Variants in MRPL37 observed in about 807,000 individuals in gnomAD.
MRPL37 encodes large ribosomal subunit protein mL37.
Under a neutral mutation model 44.1 loss-of-function variants are expected in MRPL37, and 34 were observed. The ratio of observed to expected loss-of-function variants is 0.77; its 90% CI spans 0.59 to 1.03. MRPL37 has a LOEUF of 1.03. MRPL37 is among the 50% of genes least tolerant of loss of function. The pLI is 0.00. For missense variants in MRPL37, 532 were observed against 543.7 expected (o/e 0.98, Z 0.21); for synonymous variants, 212 against 219.5 (o/e 0.97, Z 0.30).
intron 3 of MRPL37, among the ~76,000 whole-genome samples, chr1:54,206,864 A>T (rs974512653): frequency 6.6e-6 from 1 of 150,754 alleles, no homozygotes; most frequent in African/African-American, 2.4e-5. Context: ...CCTCTCAAGT[A>T]GCTGGGATTA....
downstream of MRPL37, chr1:54,220,811 C>T (rs1246848407): frequency 8.5e-6 from 4 of 470,814 alleles, no homozygotes; most frequent in African/African-American, 2.0e-5. Flanking sequence ...TGCTGGATAG[C>T]GAAACCCCAC....
chr1:54,200,563 T>A lies in MRPL37; in HGVS notation c.320T>A (p.Phe107Tyr). The A allele has an allele frequency of 1.2e-6, 2 of 1,601,338 alleles. No individual in the cohort carries two copies. Among genetic ancestry groups the A allele is most frequent in the South Asian group, 1.1e-5 (1 of 90,694 alleles). The change falls in exon 1 of 7, where the codon TTT becomes TAT. Residue 107 changes from phenylalanine (F) to tyrosine (Y), a missense_variant. Phe to Tyr is a conservative substitution (Grantham distance 22). Coordinates refer to ENST00000360840, the MANE Select transcript of MRPL37 (RefSeq NM_016491.4). ...TACAAAGACCAGGCCTGCTATATCT[T>A]TCACCACCGTTGCCGCCTTCTCGAG... ...PLYKDQACYI[F>Y]HHRCRLLEGV... is the part of the protein sequence containing the mutation.
chr1:54,218,477 C>T (rs1644212681), downstream of MRPL37: 6 of 1,073,666 alleles, frequency 5.6e-6, no homozygotes, highest in Non-Finnish European at 7.7e-6. Flanking sequence ...CCAGCTCTGC[C>T]CTTGACCCAT....
chr1:54,210,722 C>G (rs1318166590), intron 4 of MRPL37, among the ~76,000 whole-genome samples: 1 of 152,210 alleles, frequency 6.6e-6, no homozygotes, highest in Non-Finnish European at 1.5e-5. Flanking sequence ...TAAACCCCTT[C>G]ATTGTCATAG....
downstream of MRPL37, among the ~76,000 whole-genome samples, chr1:54,221,634 A>C (rs4926624): frequency 0.15 from 23,118 of 152,168 alleles, 1,866 homozygotes; most frequent in Non-Finnish European, 0.19. Flanking sequence ...GCACACATGC[A>C]TACAGGCACA....
chr1:54,221,928 T>G (rs1400270168), downstream of MRPL37, among the ~76,000 whole-genome samples: 2 of 152,180 alleles, frequency 1.3e-5, no homozygotes, highest in Non-Finnish European at 2.9e-5. Flanking sequence ...TGGGAGCTCC[T>G]GGGGTACTGG....
chr1:54,211,500 T>TC (rs397724478), intron 4 of MRPL37, among the ~76,000 whole-genome samples: 1 of 151,438 alleles, frequency 6.6e-6, no homozygotes, highest in Non-Finnish European at 1.5e-5. Context: ...CTTTTTTTTT[T>TC]CTTTCCCTGA....
In MRPL37 at chr1:54,200,426, G is replaced by T; in HGVS notation, c.183G>T (p.Ala61=). Residue 61 remains alanine, a synonymous_variant, in exon 1 of 7, where the codon GCG becomes GCT. Transcript: ENST00000360840. The part of the protein sequence containing the change: ...EIPGLEPITF[A]GKMHFVPWLA... ...CTGGACTGGAGCCCATCACCTTTGC[G>T]GGGAAGATGCACTTCGTGCCCTGGC... 1 of 1,614,224 alleles carries T rather than the reference G, an allele frequency of 6.2e-7. No homozygotes were observed. The highest frequency in any genetic ancestry group is 1.7e-5 in the Admixed American group (1 of 60,034).
At chr1:54,220,072 T>A (rs1020430896), downstream of MRPL37, among the ~76,000 whole-genome samples, 3 of 152,062 alleles carry the variant, frequency 2.0e-5, no homozygotes, top group Non-Finnish European at 2.9e-5. Context: ...TTTTTTTTTT[T>A]AAACAACACT....
At chr1:54,201,394 C>G (rs1485130974) in intron 1 of MRPL37, among the ~76,000 whole-genome samples, 1 of 152,174 alleles carries the variant, frequency 6.6e-6, no homozygotes, top group Non-Finnish European at 1.5e-5. Context: ...TTCCTGAAAG[C>G]TGATTTTCAA....
intron 1 of MRPL37, among the ~76,000 whole-genome samples, chr1:54,203,467 CTTTTT>C (rs780467512): frequency 9.1e-5 from 9 of 98,882 alleles, no homozygotes; most frequent in East Asian, 2.9e-4. Flanking sequence ...ACTTCATTTA[CTTTTT>C]TTTTTTTTTT....
chr1:54,207,719 G>C (rs967579091), intron 3 of MRPL37, among the ~76,000 whole-genome samples: 1 of 152,176 alleles, frequency 6.6e-6, no homozygotes, highest in African/African-American at 2.4e-5. Context: ...TTTTCTTGCA[G>C]ATTATATGTG....
chr1:54,220,853 A>G (rs1159384551), downstream of MRPL37: 1 of 465,998 alleles, frequency 2.1e-6, no homozygotes, highest in South Asian at 1.6e-5. Flanking sequence ...ACTTTTGGAA[A>G]TGAAATGGTG....
At chr1:54,208,387 A>G (rs1192101287) in intron 3 of MRPL37, among the ~76,000 whole-genome samples, 3 of 151,904 alleles carry the variant, frequency 2.0e-5, no homozygotes, top group Non-Finnish European at 2.9e-5. Flanking sequence ...CTAAAAATAC[A>G]AAAACAAAAA....
At chr1:54,213,993 G>A (rs1444839903) in intron 5 of MRPL37, among the ~76,000 whole-genome samples, 1 of 152,182 alleles carries the variant, frequency 6.6e-6, no homozygotes, top group Non-Finnish European at 1.5e-5. Context: ...GACCAGCCTG[G>A]CCAACATGGC....
rs1377341284 is a variant in MRPL37, at chr1:54,200,412, C to T, written c.169C>T (p.Pro57Ser). 12 of 1,614,232 alleles carry T rather than the reference C, an allele frequency of 7.4e-6. No homozygotes were observed. Among genetic ancestry groups the T allele is most frequent in the Non-Finnish European group, 1.0e-5 (12 of 1,180,046 alleles). Residue 57 changes from proline (P) to serine (S), a missense_variant, in exon 1 of 7, where the codon CCC (proline) becomes TCC (serine). Coordinates refer to ENST00000360840, the MANE Select transcript of MRPL37 (RefSeq NM_016491.4). The part of the protein sequence containing the change: ...DRVYEIPGLE[P>S]ITFAGKMHFV... Reference sequence around the variant, plus strand: ...GGTGTACGAGATCCCTGGACTGGAGCCCATCACCTTTGCGGGGAAGATGCA... The same window carrying T: ...GGTGTACGAGATCCCTGGACTGGAGTCCATCACCTTTGCGGGGAAGATGCA...
rs1187028136 is a variant in MRPL37, at chr1:54,207,678, C to G, written c.646+2268C>G. On this transcript the variant is annotated intron_variant, in intron 3 of 6. Coordinates refer to ENST00000360840, the MANE Select transcript of MRPL37 (RefSeq NM_016491.4). ...GTGGTCTGTGGGGAGAATGGAAAACCCAAGGTTAAGAGAGGTCCATGCACA... is the reference window on the plus strand; with the variant it reads ...GTGGTCTGTGGGGAGAATGGAAAACGCAAGGTTAAGAGAGGTCCATGCACA... Among the ~76,000 whole-genome samples, 5 of 152,234 alleles carry G rather than the reference C, an allele frequency of 3.3e-5. No homozygotes were observed. In the East Asian group the frequency reaches 9.6e-4, roughly 29 times the overall value.
downstream of MRPL37, among the ~76,000 whole-genome samples, chr1:54,223,003 G>C (rs1644245964): frequency 6.6e-6 from 1 of 152,208 alleles, no homozygotes; most frequent in Admixed American, 6.5e-5. Context: ...GATGGTCTTT[G>C]TGGCACTGGA....
Position 54,205,058 on chromosome 1 carries a change from A to G in MRPL37, c.387A>G (p.Ile129Met). Residue 129 changes from isoleucine to methionine, a missense_variant, in exon 2 of 7, where the codon ATA becomes ATG. Physicochemically the swap from Ile to Met is conservative, Grantham distance 10. Coordinates refer to ENST00000360840, the MANE Select transcript of MRPL37 (RefSeq NM_016491.4). ...TCTGGCTCACCAAGACCAAGTTAATAGAAGGCCTTCCCGAGAAAGTGCTTA... is the reference window on the plus strand; with the variant it reads ...TCTGGCTCACCAAGACCAAGTTAATGGAAGGCCTTCCCGAGAAAGTGCTTA... ...QALWLTKTKLIEGLPEKVLSL... is the reference protein window; with the variant it reads ...QALWLTKTKLMEGLPEKVLSL... 6.2e-7 allele frequency: 1 copy of G among 1,614,224 alleles called. No individual in the cohort carries two copies. The highest frequency in any genetic ancestry group is 8.5e-7 in the Non-Finnish European group (1 of 1,180,042).
Sources: allele counts gnomAD v4.1 joint callset (sites outside exome capture counted in the v4.1 genomes callset), GRCh38; gene constraint gnomAD v4.1.1; transcripts MANE v1.5; gene names NCBI Gene and HGNC (gene_info 2026-07-23, HGNC 2026-07-21).